CPEB1: variants seen among roughly 807,000 people sequenced by gnomAD.
CPEB1 encodes the protein cytoplasmic polyadenylation element binding protein 1.
CPEB1 carries 7 observed loss-of-function variants against 65.8 expected under a neutral mutation model. The ratio of observed to expected loss-of-function variants is 0.11; its 90% confidence interval spans 0.06 to 0.20. The LOEUF is 0.20. Ranked by LOEUF, CPEB1 falls within the 10% of genes least tolerant of loss-of-function variation. The pLI is 1.00. For missense variants in CPEB1, 551 were observed against 712.2 expected, an observed-to-expected ratio of 0.77 and a Z score of 2.58; for synonymous variants, 262 against 260.0, an observed-to-expected ratio of 1.01 and a Z score of -0.08.
intron 3 of CPEB1, among the ~76,000 whole-genome samples, chr15:82,596,623 C>T (rs185822258): frequency 2.7e-4 from 40 of 149,928 alleles, no homozygotes; most frequent in African/African-American, 7.8e-4. Flanking sequence ...ACTTGAACCC[C>T]GGAGGCAGAG....
rs981513414 is a variant in CPEB1, at chr15:82,597,616, T to C, written c.272-26084A>G. Among the ~76,000 whole-genome samples, 17 of 152,308 alleles carry C rather than the reference T, an allele frequency of 1.1e-4. No individual in the cohort carries two copies. In the South Asian group the frequency reaches 2.1e-3, roughly 19 times the overall value. The stretch of plus-strand genomic sequence containing the variant: ...AGAGAAACAGGGTCTTCACAATGCT[T>C]GGGAAAGGAGGAGAGACAAGGCTCA... On this transcript the variant is annotated intron_variant, in intron 3 of 12. Coordinates refer to ENST00000684509, the MANE Select transcript of CPEB1 (RefSeq NM_001365242.1).
intron 1 of CPEB1, chr15:82,630,014 C>T: frequency 1.0e-6 from 1 of 985,386 alleles, no homozygotes; most frequent in Non-Finnish European, 1.2e-6. Flanking sequence ...ACTGTTAAAT[C>T]CAGTGACACA....
chr15:82,614,879 G>GTATATA (rs201830435), intron 3 of CPEB1, among the ~76,000 whole-genome samples: 72 of 113,312 alleles, frequency 6.4e-4, no homozygotes, highest in Middle Eastern at 9.1e-3. Flanking sequence ...GTGTGTGTGT[G>GTATATA]TATATATATA....
rs534120162 is a variant in CPEB1 at position 82,552,662 on chromosome 15, C to T, written c.1145-46G>A. On this transcript the variant is annotated intron_variant, in intron 8 of 12. Coordinates refer to ENST00000684509, the MANE Select transcript of CPEB1 (RefSeq NM_001365242.1). ...AATCGCATTAATATCCCTTAGGTGG[C>T]CACTCCTCAGCCTTGGCTTTGCAGC... The T allele has an allele frequency of 4.6e-5, 74 of 1,603,364 alleles. 2 individuals carry two copies. The Middle Eastern group carries it at 1.0e-3, about 22-fold the overall frequency.
rs1235086028 is a variant in CPEB1 at position 82,616,942 on chromosome 15, C to T, written c.271+10251G>A. On this transcript the variant is annotated intron_variant, in intron 3 of 12. Transcript: ENST00000684509. ...TATGTATACATACCCACGAAACCAT[C>T]ACCAAAAGTCAAGGTAATAAACATA... Among the ~76,000 whole-genome samples, 6 of 152,296 alleles carry T rather than the reference C, an allele frequency of 3.9e-5. No homozygotes were observed. In the East Asian group the frequency reaches 1.2e-3, roughly 29 times the overall value.
intron 4 of CPEB1, among the ~76,000 whole-genome samples, chr15:82,566,152 G>A (rs971645671): frequency 1.3e-5 from 2 of 152,136 alleles, no homozygotes; most frequent in Admixed American, 6.5e-5. Context: ...GGAGTGTGAT[G>A]GCAGCATTAG....
At chr15:82,554,773 T>C (rs1185600154) in intron 6 of CPEB1, among the ~76,000 whole-genome samples, 1 of 152,206 alleles carries the variant, frequency 6.6e-6, no homozygotes, top group Non-Finnish European at 1.5e-5. Flanking sequence ...AGGACAAAGA[T>C]GTGGAAGGAT....
intron 1 of CPEB1, among the ~76,000 whole-genome samples, chr15:82,632,360 C>T (rs1249337760): frequency 6.6e-6 from 1 of 152,098 alleles, no homozygotes; most frequent in East Asian, 1.9e-4. Flanking sequence ...TAATTCTGTA[C>T]ATGAAATTAA....
chr15:82,592,520 G>A (rs1249633105), intron 3 of CPEB1, among the ~76,000 whole-genome samples: 1 of 150,710 alleles, frequency 6.6e-6, no homozygotes, highest in Non-Finnish European at 1.5e-5. Context: ...AGAGGTTGCA[G>A]TGAGCCAAGA....
intron 10 of CPEB1, among the ~76,000 whole-genome samples, chr15:82,547,762 TC>T (rs909469699): frequency 3.3e-5 from 5 of 150,226 alleles, no homozygotes; most frequent in African/African-American, 1.2e-4. Flanking sequence ...AACCTCTGCA[TC>T]CCAGGCTCAA....
intron 3 of CPEB1, among the ~76,000 whole-genome samples, chr15:82,615,725 G>A (rs547105639): frequency 6.6e-6 from 1 of 152,280 alleles, no homozygotes; most frequent in East Asian, 1.9e-4. Flanking sequence ...GAATGTGACT[G>A]AAAACTCATG....
intron 9 of CPEB1, among the ~76,000 whole-genome samples, chr15:82,551,594 C>A (rs955692187): frequency 3.3e-5 from 5 of 152,142 alleles, no homozygotes; most frequent in African/African-American, 1.2e-4. Flanking sequence ...AACCACTGAT[C>A]TTTTTTACTA....
At position 82,607,264 on chromosome 15, in the gene CPEB1, G is replaced by A. The variant is rs375044518; in HGVS notation, c.271+19929C>T. Among the ~76,000 whole-genome samples the A allele has an allele frequency of 2.2e-4, 34 of 152,194 alleles. No individual in the cohort carries two copies. In the South Asian group the frequency reaches 6.4e-3, roughly 29 times the overall value. ...TAAAAGCATGATCCAAATATATACT[G>A]CACAACAGGAGATACACTTTAAGAC... On this transcript the variant is annotated intron_variant, in intron 3 of 12. Coordinates refer to ENST00000684509, the MANE Select transcript of CPEB1 (RefSeq NM_001365242.1).
At chr15:82,582,156 A>C (rs1244955887) in intron 3 of CPEB1, among the ~76,000 whole-genome samples, 2 of 152,228 alleles carry the variant, frequency 1.3e-5, no homozygotes, top group Non-Finnish European at 2.9e-5. Context: ...CCACAGATTC[A>C]GTATCCCTAG....
intron 3 of CPEB1, among the ~76,000 whole-genome samples, chr15:82,573,764 G>A (rs1056037962): frequency 2.0e-5 from 3 of 152,086 alleles, no homozygotes; most frequent in Non-Finnish European, 2.9e-5. Flanking sequence ...ACCCAAGACC[G>A]ACAGAATTGA....
rs143868009 is a variant in CPEB1 at position 82,628,749 on chromosome 15, C to T, written c.-97-193G>A. 86 of 330,148 alleles carry T rather than the reference C, an allele frequency of 2.6e-4. No individual in the cohort carries two copies. The East Asian group carries it at 4.1e-3, about 16-fold the overall frequency. The allele number at this position is 330,148 out of a possible 1,614,324, so 20.5% of individuals were successfully genotyped here. A position where few individuals can be genotyped will look rare whatever the true frequency, so the allele number is the denominator to read the frequency against. ...AGACCAATCAATCCTTCCTCTTCCT[C>T]GGCCTGCTCAATGTGAAAACAGTAA... On this transcript the variant is annotated intron_variant, in intron 1 of 12. Transcript: ENST00000684509.
In CPEB1 at chr15:82,549,593, G is replaced by T. The variant is rs1330106798; in HGVS notation, c.1347C>A (p.Asp449Glu). Residue 449 changes from aspartate to glutamate, a missense_variant, in exon 10 of 13, where the codon GAC becomes GAA. Physicochemically the swap from Asp to Glu is conservative, Grantham distance 45. This residue lies in a region of CPEB1 where 99 missense variants were observed against 161.3 expected (regional missense o/e 0.61). Transcript: ENST00000684509. ...NFVRSPSQRL[D>E]PSRTVFVGAL... Reference sequence around the variant, plus strand: ...CACCGACAAACACCGTCCTGCTGGGGTCAAGCCTCTGAGATGGGCTCCGGA... The same window carrying T: ...CACCGACAAACACCGTCCTGCTGGGTTCAAGCCTCTGAGATGGGCTCCGGA... The T allele has an allele frequency of 6.2e-7, 1 of 1,614,176 alleles. No homozygotes were observed. The highest frequency in any genetic ancestry group is 2.2e-5 in the East Asian group (1 of 44,890).
In CPEB1 at chr15:82,549,676, G is replaced by C; in HGVS notation, c.1282-18C>G. On this transcript the variant is annotated intron_variant, in intron 9 of 12. Transcript: ENST00000684509. ...ACCTGCACCTGAAAACCACCCAAAG[G>C]TGTATCAGCCCTGGCAGAGAGCCAC... 1 of 1,612,856 alleles carries C rather than the reference G, an allele frequency of 6.2e-7. No individual in the cohort carries two copies. The highest frequency in any genetic ancestry group is 8.5e-7 in the Non-Finnish European group (1 of 1,178,956).
In CPEB1 at chr15:82,578,278, C is replaced by T. The variant is rs557875291; in HGVS notation, c.272-6746G>A. ...CTGGTTTTCCGTTCTTTCTTTTCAA[C>T]CAATATGAAGGAGGAATGAACGCAA... is the stretch of plus-strand genomic sequence containing the variant. On this transcript the variant is annotated intron_variant, in intron 3 of 12. Coordinates refer to ENST00000684509, the MANE Select transcript of CPEB1 (RefSeq NM_001365242.1). Among the ~76,000 whole-genome samples the T allele has an allele frequency of 2.0e-5, 3 of 152,304 alleles. No homozygotes were observed. In the East Asian group the frequency reaches 5.8e-4, roughly 29 times the overall value.
Sources: allele counts gnomAD v4.1 joint callset (sites outside exome capture counted in the v4.1 genomes callset), GRCh38; gene constraint gnomAD v4.1.1; regional missense constraint gnomAD v4.1.1; transcripts MANE v1.5; gene names NCBI Gene and HGNC (gene_info 2026-07-23, HGNC 2026-07-21).